WDFY4: variants seen among roughly 807,000 people sequenced by gnomAD.
WDFY4 encodes WD repeat- and FYVE domain-containing protein 4.
WDFY4 carries 169 observed loss-of-function variants against 351.9 expected under a neutral mutation model. The observed-to-expected ratio is 0.48, with a 90% CI of 0.42 to 0.55. WDFY4 has a LOEUF of 0.55. Among genes scored for constraint, WDFY4 ranks in the 20% least tolerant of loss-of-function variants. The probability of loss-of-function intolerance (pLI) is 0.00; values close to 1 mark genes in which losing one functional copy is unlikely to be tolerated. For missense variants in WDFY4, 3,803 were observed against 3,935.6 expected (o/e 0.97, Z 0.90); for synonymous variants, 1,622 against 1,574.6 (o/e 1.03, Z -0.71).
At chr10:48,973,668 C>T (rs1842429023) in intron 57 of WDFY4, among the ~76,000 whole-genome samples, 2 of 152,238 alleles carry the variant, frequency 1.3e-5, no homozygotes, top group South Asian at 4.1e-4. Flanking sequence ...CTGGGACCTG[C>T]AGCCTCTGGA....
intron 12 of WDFY4, among the ~76,000 whole-genome samples, chr10:48,750,039 C>T (rs2065132598): frequency 6.6e-6 from 1 of 152,192 alleles, no homozygotes; most frequent in South Asian, 2.1e-4. Context: ...TTTCATGGGG[C>T]ACTCTGCAGG....
intron 20 of WDFY4, 22 bp downstream of exon 20, chr10:48,786,892 A>G (rs1444645057): frequency 6.5e-7 from 1 of 1,542,106 alleles, no homozygotes; most frequent in Non-Finnish European, 8.8e-7. Flanking sequence ...TTTGATTTAC[A>G]ATGTTCTTGC....
intron 32 of WDFY4, 120 bp from the exon 33 acceptor site, chr10:48,820,114 C>T (rs2067765388): frequency 3.4e-6 from 4 of 1,167,068 alleles, no homozygotes; most frequent in Non-Finnish European, 4.9e-6. Context: ...TGTGCGGAGC[C>T]TCAATTTCCG....
intron 14 of WDFY4, 113 bp downstream of exon 14, chr10:48,774,785 T>C (rs1330170046): frequency 1.5e-6 from 2 of 1,318,744 alleles, no homozygotes; most frequent in Non-Finnish European, 2.1e-6. Context: ...AGGGCACGGC[T>C]CTGTCCTGGC....
At chr10:48,866,836 C>A (rs893166601) in intron 39 of WDFY4, among the ~76,000 whole-genome samples, 2 of 152,178 alleles carry the variant, frequency 1.3e-5, no homozygotes, top group East Asian at 1.9e-4. Flanking sequence ...CCAACAAATT[C>A]TGTAACCACT....
chr10:48,880,830 C>T (rs929779949), intron 43 of WDFY4, among the ~76,000 whole-genome samples: 2 of 151,994 alleles, frequency 1.3e-5, no homozygotes, highest in Admixed American at 6.6e-5. Context: ...TCCCCAGGGT[C>T]AGTGAAGCCA....
At chr10:48,695,634 A>G (rs1470222679) in intron 1 of WDFY4, among the ~76,000 whole-genome samples, 1 of 152,132 alleles carries the variant, frequency 6.6e-6, no homozygotes, top group African/African-American at 2.4e-5. Flanking sequence ...TTTCTTACCT[A>G]AGGGAACACT....
rs1564539171 is a variant in WDFY4 at position 48,970,229 on chromosome 10, G to A, written c.8868G>A (p.Val2956=). ...TTGTCACCTCTGGGACCAGCACTGT[G>A]GTGTGTGTGTGGGAGCTCAGCATGA... ...TTIVTSGTST[V]VCVWELSMTK... is the part of the protein sequence containing the mutation. The change falls in exon 57 of 62, where the codon GTG becomes GTA. Residue 2956 remains valine, a synonymous_variant. Transcript: ENST00000325239. The A allele has an allele frequency of 2.6e-6, 4 of 1,551,648 alleles. No homozygotes were observed. Among genetic ancestry groups the A allele is most frequent in the Non-Finnish European group, 3.5e-6 (4 of 1,146,984 alleles).
chr10:48,973,319 A>G (rs12573522), intron 57 of WDFY4, among the ~76,000 whole-genome samples: 7 of 151,642 alleles, frequency 4.6e-5, no homozygotes, highest in African/African-American at 1.7e-4. Flanking sequence ...TCACTTAGGC[A>G]GTTTTCATTT....
At chr10:48,885,514 CAGAG>C (rs2070417131) in intron 43 of WDFY4, among the ~76,000 whole-genome samples, 1 of 152,174 alleles carries the variant, frequency 6.6e-6, no homozygotes, top group South Asian at 2.1e-4. Context: ...TCCATGTCTG[CAGAG>C]AAAGATTGGA....
chr10:48,974,522 A>AAAAAAAAAACAACAAC (rs1190703044), intron 57 of WDFY4, among the ~76,000 whole-genome samples: 1 of 27,220 alleles, frequency 3.7e-5, no homozygotes, highest in Non-Finnish European at 2.1e-4. Flanking sequence ...AAAAAAAAAA[A>AAAAAAAAAACAACAAC]AAAAAAACAA....
chr10:48,738,482 G>A (rs1209950248), intron 11 of WDFY4, among the ~76,000 whole-genome samples: 1 of 152,228 alleles, frequency 6.6e-6, no homozygotes, highest in Non-Finnish European at 1.5e-5. Context: ...CTCCCTGGGT[G>A]CCAAGTCACT....
chr10:48,937,658 G>A (rs1840469024), intron 47 of WDFY4, among the ~76,000 whole-genome samples: 1 of 152,162 alleles, frequency 6.6e-6, no homozygotes, highest in African/African-American at 2.4e-5. Flanking sequence ...GTTATTATTA[G>A]GTCTAGAACT....
rs1416225592 is a variant in WDFY4, at chr10:48,738,083, T to C, written c.1878+2013T>C. ...GCAGGATAGGAACAGGGAAGGCATG[T>C]CCTAACCAGTCAGGCTTGTGATTTT... On this transcript the variant is annotated intron_variant, in intron 11 of 61. Coordinates refer to ENST00000325239, the MANE Select transcript of WDFY4 (RefSeq NM_001394531.1). Among the ~76,000 whole-genome samples, 5 of 152,350 alleles carry C rather than the reference T, an allele frequency of 3.3e-5. No homozygotes were observed. The South Asian group carries it at 1.0e-3, about 32-fold the overall frequency.
Position 48,928,946 on chromosome 10 carries a change from G to A in WDFY4, c.7587-12860G>A, listed in dbSNP as rs527954242. On this transcript the variant is annotated intron_variant, in intron 47 of 61. Coordinates refer to ENST00000325239, the MANE Select transcript of WDFY4 (RefSeq NM_001394531.1). ...AGGCAGCAAAGAAAATGAAGGTCCC[G>A]CTCACATTCTAGAAAAATCAAGCAA... 1.5e-3 allele frequency among the ~76,000 whole-genome samples: 229 copies of A among 152,254 alleles called. 1 individual carries two copies. The highest frequency in any genetic ancestry group is 2.5e-3 in the Non-Finnish European group (168 of 68,026).
intron 24 of WDFY4, among the ~76,000 whole-genome samples, chr10:48,800,719 T>TTTCTTTCA (rs2067050948): frequency 8.2e-6 from 1 of 122,220 alleles, no homozygotes; most frequent in Non-Finnish European, 1.6e-5. Flanking sequence ...TCTTTCTTTC[T>TTTCTTTCA]TTCATTCTTT....
chr10:48,690,818 G>A (rs993549965), intron 1 of WDFY4, among the ~76,000 whole-genome samples: 2 of 152,144 alleles, frequency 1.3e-5, no homozygotes, highest in Non-Finnish European at 2.9e-5. Context: ...GACCTCAGAG[G>A]GGAGGAAATG....
chr10:48,803,841 G>A (rs2067164207), intron 25 of WDFY4, among the ~76,000 whole-genome samples: 2 of 152,188 alleles, frequency 1.3e-5, no homozygotes, highest in Non-Finnish European at 2.9e-5. Context: ...ATCTCATCCT[G>A]TAGCTGGGGG....
chr10:48,913,951 T>C (rs754862879), intron 47 of WDFY4: 1 of 1,614,084 alleles, frequency 6.2e-7, no homozygotes, highest in Non-Finnish European at 8.5e-7. Context: ...AACTTGGAGA[T>C]GGAGTCAGGG....
Sources: allele counts gnomAD v4.1 joint callset (sites outside exome capture counted in the v4.1 genomes callset), GRCh38; gene constraint gnomAD v4.1.1; transcripts MANE v1.5; gene names NCBI Gene and HGNC (gene_info 2026-07-23, HGNC 2026-07-21).